CSGALNACT1: variants seen among roughly 807,000 people sequenced by gnomAD.
CSGALNACT1 encodes chondroitin sulfate N-acetylgalactosaminyltransferase 1, also known as beta4GalNAcT-1.
A neutral mutation model predicts 51.0 loss-of-function variants in CSGALNACT1; 52 were observed. The ratio of observed to expected loss-of-function variants is 1.02; its 90% CI spans 0.82 to 1.29. The LOEUF (loss-of-function observed/expected upper bound fraction) is 1.29, where lower values mean the gene tolerates loss of function less well. Ranked by LOEUF, CSGALNACT1 falls within the 50% of genes most tolerant of loss-of-function variation. The pLI is 0.00. For synonymous variants in CSGALNACT1, 341 were observed against 254.4 expected, an observed-to-expected ratio of 1.34 and a Z score of -3.24; for missense variants, 935 against 679.2, an observed-to-expected ratio of 1.38 and a Z score of -4.19.
upstream of CSGALNACT1, chr8:19,683,170 G>T: frequency 6.3e-6 from 1 of 158,106 alleles, no homozygotes; most frequent in Non-Finnish European, 1.4e-5. Context: ...GTGCTACAGA[G>T]TTCACACTTG....
At chr8:19,483,423 G>T (rs2071993634) in intron 4 of CSGALNACT1, among the ~76,000 whole-genome samples, 1 of 152,148 alleles carries the variant, frequency 6.6e-6, no homozygotes, top group African/African-American at 2.4e-5. Context: ...AGCCAAAATG[G>T]ATTTTAGCCT....
chr8:19,452,425 A>C (rs1294238311), intron 5 of CSGALNACT1, among the ~76,000 whole-genome samples: 1 of 151,624 alleles, frequency 6.6e-6, no homozygotes, highest in East Asian at 2.0e-4. Flanking sequence ...GGGGAAAAAA[A>C]AAAAAAGCAG....
chr8:19,735,195 G>A (rs997918232), intron 1 of CSGALNACT1, among the ~76,000 whole-genome samples: 39 of 152,074 alleles, frequency 2.6e-4, no homozygotes, highest in African/African-American at 9.2e-4. Flanking sequence ...CATTGGCTCT[G>A]GGTGAAAAAT....
intron 1 of CSGALNACT1, among the ~76,000 whole-genome samples, chr8:19,714,814 T>C (rs1392705444): frequency 1.3e-5 from 2 of 151,990 alleles, no homozygotes; most frequent in Non-Finnish European, 2.9e-5. Flanking sequence ...AGGTTTGTTA[T>C]ATGGGTAAAT....
chr8:19,694,886 G>T (rs2061507442), intron 1 of CSGALNACT1, among the ~76,000 whole-genome samples: 2 of 152,192 alleles, frequency 1.3e-5, no homozygotes, highest in South Asian at 4.1e-4. Flanking sequence ...GTCCCCAAAA[G>T]TTTGTTCCAT....
At chr8:19,707,299 T>C (rs1428416420) in intron 1 of CSGALNACT1, among the ~76,000 whole-genome samples, 1 of 152,186 alleles carries the variant, frequency 6.6e-6, no homozygotes, top group Non-Finnish European at 1.5e-5. Context: ...AATTACAACT[T>C]TTAAATCTCA....
chr8:19,561,216 T>C (rs2040632627), intron 3 of CSGALNACT1, among the ~76,000 whole-genome samples: 1 of 152,184 alleles, frequency 6.6e-6, no homozygotes, highest in Non-Finnish European at 1.5e-5. Context: ...TTATGGACAA[T>C]CTGTCAATCT....
At chr8:19,656,910 A>T (rs1296912099) in intron 1 of CSGALNACT1, among the ~76,000 whole-genome samples, 1 of 151,958 alleles carries the variant, frequency 6.6e-6, no homozygotes, top group Non-Finnish European at 1.5e-5. Context: ...TATTAAAAAT[A>T]CAAAAATTAG....
intron 6 of CSGALNACT1, among the ~76,000 whole-genome samples, chr8:19,436,188 TTTAGCTGGATTTAAAACAGC>T (rs2060347785): frequency 6.6e-6 from 1 of 152,238 alleles, no homozygotes; most frequent in Admixed American, 6.5e-5. Context: ...AGTACATGCA[TTTAGCTGGATTTAAAACAGC>T]TTAATCACAA....
intron 3 of CSGALNACT1, among the ~76,000 whole-genome samples, chr8:19,572,394 C>T (rs2043223738): frequency 6.6e-6 from 1 of 152,126 alleles, no homozygotes; most frequent in African/African-American, 2.4e-5. Flanking sequence ...TAAGAGAAAA[C>T]TTACAGTAAT....
intron 4 of CSGALNACT1, among the ~76,000 whole-genome samples, chr8:19,499,336 A>G (rs543948918): frequency 2.9e-4 from 44 of 152,256 alleles, no homozygotes; most frequent in African/African-American, 9.9e-4. Context: ...AGACCGCAAA[A>G]TTCTTGAAAT....
At chr8:19,484,874 C>T (rs889977189) in intron 4 of CSGALNACT1, among the ~76,000 whole-genome samples, 1 of 152,026 alleles carries the variant, frequency 6.6e-6, no homozygotes, top group East Asian at 1.9e-4. Flanking sequence ...GGAGAGACAC[C>T]AGAGACGTGC....
rs529948368 is a variant in CSGALNACT1, at chr8:19,513,730, T to A, written c.-296-7600A>T. ...GGGCCATATGGTATAGCCTATTGCT[T>A]CTAGGCTAACAAACCTGTACCACAT... On this transcript the variant is annotated intron_variant, in intron 3 of 9. Transcript: ENST00000454498. Among the ~76,000 whole-genome samples, 5 of 152,072 alleles carry A rather than the reference T, an allele frequency of 3.3e-5. No homozygotes were observed. The South Asian group carries it at 1.0e-3, about 32-fold the overall frequency.
At chr8:19,618,939 G>C (rs2053449058) in intron 1 of CSGALNACT1, among the ~76,000 whole-genome samples, 1 of 152,094 alleles carries the variant, frequency 6.6e-6, no homozygotes, top group Admixed American at 6.6e-5. Context: ...TGGAGGGCAG[G>C]TGATAAAACA....
At chr8:19,424,879 G>A (rs968103008) in intron 6 of CSGALNACT1, among the ~76,000 whole-genome samples, 2 of 152,240 alleles carry the variant, frequency 1.3e-5, no homozygotes, top group Non-Finnish European at 2.9e-5. Flanking sequence ...CCCAAATGCA[G>A]ACTGTAGTGG....
intron 1 of CSGALNACT1, among the ~76,000 whole-genome samples, chr8:19,629,221 A>G (rs2054878219): frequency 6.6e-6 from 1 of 152,234 alleles, no homozygotes; most frequent in Admixed American, 6.5e-5. Flanking sequence ...GTTTGACATT[A>G]AAAAACGTTT....
intron 3 of CSGALNACT1, among the ~76,000 whole-genome samples, chr8:19,514,222 G>C (rs2079036764): frequency 6.6e-6 from 1 of 151,914 alleles, no homozygotes; most frequent in South Asian, 2.1e-4. Context: ...TAAATGCCAA[G>C]AGTTTGGAGT....
intron 3 of CSGALNACT1, among the ~76,000 whole-genome samples, chr8:19,533,149 C>G (rs2083106728): frequency 6.6e-6 from 1 of 152,116 alleles, no homozygotes; most frequent in Non-Finnish European, 1.5e-5. Context: ...CAAGGTCTCC[C>G]TCTGTCACCC....
intron 1 of CSGALNACT1, among the ~76,000 whole-genome samples, chr8:19,626,644 A>G (rs1412225345): frequency 6.6e-6 from 1 of 152,232 alleles, no homozygotes; most frequent in Non-Finnish European, 1.5e-5. Context: ...AAGATAATCA[A>G]CAGAAAGTGA....
Sources: allele counts gnomAD v4.1 joint callset (sites outside exome capture counted in the v4.1 genomes callset), GRCh38; gene constraint gnomAD v4.1.1; transcripts MANE v1.5; gene names NCBI Gene and HGNC (gene_info 2026-07-23, HGNC 2026-07-21).